Variants in NLGN1 observed in about 807,000 individuals in gnomAD.
NLGN1 encodes the protein neuroligin 1, also known as neuroligin-1.
A neutral mutation model predicts 65.5 loss-of-function variants in NLGN1; 12 were observed. The ratio of observed to expected loss-of-function variants is 0.18; its 90% CI spans 0.12 to 0.30. The LOEUF (loss-of-function observed/expected upper bound fraction) is 0.30. NLGN1 is among the 10% of genes least tolerant of loss of function. The pLI is 1.00. For synonymous variants in NLGN1, 350 were observed against 359.5 expected (o/e 0.97, Z 0.30); for missense variants, 750 against 1,007.1 (o/e 0.74, Z 3.46).
At chr3:173,574,143 C>T (rs1314567277) in intron 2 of NLGN1, among the ~76,000 whole-genome samples, 2 of 149,466 alleles carry the variant, frequency 1.3e-5, no homozygotes, top group Non-Finnish European at 3.0e-5. Flanking sequence ...AAAATATATG[C>T]AGTCATAATT....
At chr3:173,449,135 A>G (rs375306880) in intron 2 of NLGN1, among the ~76,000 whole-genome samples, 28,997 of 150,998 alleles carry the variant, frequency 0.19, 3,016 homozygotes, top group African/African-American at 0.27. Context: ...TGCTTCTCTA[A>G]TTCTTTTAAT....
At chr3:173,966,723 A>C (rs1714952274) in intron 4 of NLGN1, among the ~76,000 whole-genome samples, 1 of 152,208 alleles carries the variant, frequency 6.6e-6, no homozygotes, top group Admixed American at 6.5e-5. Flanking sequence ...AAGTTGAATA[A>C]AGCATAATAT....
At chr3:173,676,210 C>G (rs185874529) in intron 3 of NLGN1, among the ~76,000 whole-genome samples, 1 of 152,106 alleles carries the variant, frequency 6.6e-6, no homozygotes. Context: ...TGCTGCTCTT[C>G]CTTGTTTTCT....
At chr3:174,293,169 T>C in the NLGN1 span, among the ~76,000 whole-genome samples, 1 of 151,600 alleles carries the variant, frequency 6.6e-6, no homozygotes, top group East Asian at 1.9e-4. Flanking sequence ...AAAATAGTGT[T>C]GATAGATCAC....
intron 3 of NLGN1, among the ~76,000 whole-genome samples, chr3:173,760,109 G>T (rs1184884481): frequency 1.3e-5 from 2 of 151,788 alleles, no homozygotes; most frequent in Non-Finnish European, 2.9e-5. Flanking sequence ...TTAAATTTTT[G>T]CATTCCTATA....
intron 4 of NLGN1, among the ~76,000 whole-genome samples, chr3:174,077,448 G>T (rs918410944): frequency 6.6e-6 from 1 of 152,124 alleles, no homozygotes; most frequent in African/African-American, 2.4e-5. Flanking sequence ...TTAAAATAGA[G>T]AAATTAATTG....
chr3:174,279,330 G>C lies in NLGN1; in HGVS notation c.1329G>C (p.Trp443Cys). The change falls in exon 6 of 7, where the codon TGG becomes TGC. Residue 443 changes from tryptophan (W) to cysteine (C), a missense_variant. Physicochemically the swap from Trp to Cys is radical, Grantham distance 215 (BLOSUM62 -2). Transcript: ENST00000457714. This position sits in a 1 kb window ranked among gnomAD's most constrained non-coding sequence, Gnocchi z 4.7. ...CCATTAAGTTCATGTATACTGACTG[G>C]GCTGACCGTCATAACCCTGAAACCA... The C allele has an allele frequency of 6.2e-7, 1 of 1,613,358 alleles. No individual in the cohort carries two copies. The highest frequency in any genetic ancestry group is 8.5e-7 in the Non-Finnish European group (1 of 1,179,566).
intron 2 of NLGN1, among the ~76,000 whole-genome samples, chr3:173,603,276 ACATTGCTC>A (rs1750842550): frequency 6.6e-6 from 1 of 152,148 alleles, no homozygotes; most frequent in Non-Finnish European, 1.5e-5. Flanking sequence ...AGTTAACATC[ACATTGCTC>A]TGTGGATTAC....
At chr3:173,776,798 T>C (rs901937180) in intron 3 of NLGN1, among the ~76,000 whole-genome samples, 8 of 151,974 alleles carry the variant, frequency 5.3e-5, no homozygotes, top group Non-Finnish European at 1.2e-4. Flanking sequence ...GATCCTCTGT[T>C]ATGACTGACT....
rs575631219 is a variant in NLGN1, at chr3:173,649,444, C to G, written c.493+44353C>G. ...TGTCAATACATATGTCAAAACATAT[C>G]AAATTACATATTTTAAATATGCGCA... On this transcript the variant is annotated intron_variant, in intron 3 of 6. Transcript: ENST00000457714. Among the ~76,000 whole-genome samples, 19 of 152,162 alleles carry G rather than the reference C, an allele frequency of 1.2e-4. No individual in the cohort carries two copies. In the South Asian group the frequency reaches 3.7e-3, roughly 30 times the overall value.
chr3:173,496,774 A>G (rs1730094284), intron 2 of NLGN1, among the ~76,000 whole-genome samples: 1 of 151,964 alleles, frequency 6.6e-6, no homozygotes, highest in Non-Finnish European at 1.5e-5. Flanking sequence ...AATACACACA[A>G]TTAGAATAAG....
rs143833844 is a variant in NLGN1, at chr3:173,738,389, A to G, written c.494-69291A>G. The stretch of plus-strand genomic sequence containing the variant: ...TTTTATATGTTTTGTCTTCTCATTT[A>G]GGTTCATAATCTATTTGGAGTTAAT... On this transcript the variant is annotated intron_variant, in intron 3 of 6. Coordinates refer to ENST00000457714, the Ensembl canonical transcript of NLGN1. Among the ~76,000 whole-genome samples the G allele has an allele frequency of 5.1e-3, 770 of 152,046 alleles. 6 individuals carry two copies. Among genetic ancestry groups the G allele is most frequent in the African/African-American group, 0.018 (737 of 41,498 alleles).
At chr3:174,035,495 G>C (rs889445537) in intron 4 of NLGN1, among the ~76,000 whole-genome samples, 3 of 152,158 alleles carry the variant, frequency 2.0e-5, no homozygotes, top group Non-Finnish European at 4.4e-5. Context: ...GATGCCACAC[G>C]ATCTCACATG....
Position 174,241,920 on chromosome 3 carries a change from A to G in NLGN1, c.647-33395A>G, listed in dbSNP as rs187859466. ...TGATCCGCCCGCCTTGGCCTCCCAA[A>G]GTGCTAGGATTACAGGCGTGAGCCA... On this transcript the variant is annotated intron_variant, in intron 4 of 6. Coordinates refer to ENST00000457714, the Ensembl canonical transcript of NLGN1. 1.2e-3 allele frequency among the ~76,000 whole-genome samples: 176 copies of G among 152,212 alleles called. 1 individual carries two copies. Among genetic ancestry groups the G allele is most frequent in the African/African-American group, 3.9e-3 (163 of 41,548 alleles).
At chr3:174,166,389 G>A (rs551998852) in intron 4 of NLGN1, among the ~76,000 whole-genome samples, 1 of 152,056 alleles carries the variant, frequency 6.6e-6, no homozygotes, top group South Asian at 2.1e-4. Flanking sequence ...TTGGTATGTT[G>A]TGTCTCTATT....
chr3:173,913,106 T>A (rs1560615372), intron 4 of NLGN1, among the ~76,000 whole-genome samples: 1 of 152,184 alleles, frequency 6.6e-6, no homozygotes, highest in Non-Finnish European at 1.5e-5. Flanking sequence ...TAACTAAATA[T>A]GGCTCTGCAA....
intron 3 of NLGN1, among the ~76,000 whole-genome samples, chr3:173,607,131 T>C (rs1751520291): frequency 6.6e-6 from 1 of 151,988 alleles, no homozygotes; most frequent in Non-Finnish European, 1.5e-5. Flanking sequence ...GTGACCTTTC[T>C]TCTCATACAA....
intron 3 of NLGN1, among the ~76,000 whole-genome samples, chr3:173,628,624 T>G (rs536563799): frequency 3.9e-4 from 60 of 152,176 alleles, no homozygotes; most frequent in African/African-American, 1.3e-3. Flanking sequence ...TAGAATAACT[T>G]ACTTGGGGTC....
At chr3:174,195,002 CA>C (rs1312833808) in intron 4 of NLGN1, among the ~76,000 whole-genome samples, 1 of 152,036 alleles carries the variant, frequency 6.6e-6, no homozygotes, top group African/African-American at 2.4e-5. Flanking sequence ...GCTGGGATTA[CA>C]GGCATGCACC....
Sources: gnomAD v4.1 joint callset for allele counts (sites outside exome capture counted in the v4.1 genomes callset) on GRCh38, gnomAD v4.1.1 for gene constraint, Gnocchi (gnomAD v3.1) non-coding constraint, MANE v1.5 for transcripts, NCBI Gene and HGNC (gene_info 2026-07-23, HGNC 2026-07-21) for gene names.